GRID2: variants seen among roughly 807,000 people sequenced by gnomAD.
The protein encoded by GRID2 is glutamate ionotropic receptor delta type subunit 2, also known as glutamate receptor ionotropic, delta-2.
A neutral mutation model predicts 114.8 loss-of-function variants in GRID2; 33 were observed. The ratio of observed to expected loss-of-function variants is 0.29; its 90% CI spans 0.22 to 0.38. The LOEUF (loss-of-function observed/expected upper bound fraction) is 0.38. GRID2 is among the 10% of genes least tolerant of loss of function. GRID2 has a pLI of 1.00. For synonymous variants in GRID2, 505 were observed against 449.9 expected, an observed-to-expected ratio of 1.12 and a Z score of -1.55; for missense variants, 1,184 against 1,257.7, an observed-to-expected ratio of 0.94 and a Z score of 0.89.
At chr4:93,784,085 A>AC (rs1734541307) in intron 1 of GRID2, among the ~76,000 whole-genome samples, 1 of 149,764 alleles carries the variant, frequency 6.7e-6, no homozygotes, top group Non-Finnish European at 1.5e-5. Context: ...AAAAAAAAAA[A>AC]AAAAAAAAAA....
At chr4:92,357,442 T>A (rs556818876) in intron 1 of GRID2, among the ~76,000 whole-genome samples, 1 of 152,014 alleles carries the variant, frequency 6.6e-6, no homozygotes, top group Non-Finnish European at 1.5e-5. Context: ...CTCTCTTAGC[T>A]TTCCCAGGTA....
intron 2 of GRID2, among the ~76,000 whole-genome samples, chr4:92,793,718 C>T (rs2149366586): frequency 6.6e-6 from 1 of 151,912 alleles, no homozygotes; most frequent in South Asian, 2.1e-4. Flanking sequence ...TGAAAGTTGG[C>T]TCTCTACTTT....
At chr4:93,414,093 C>T (rs769599479) in intron 9 of GRID2, among the ~76,000 whole-genome samples, 1 of 152,142 alleles carries the variant, frequency 6.6e-6, no homozygotes, top group Non-Finnish European at 1.5e-5. Context: ...CATCACTTCT[C>T]ACTAAGTTCT....
In GRID2 at chr4:92,875,777, A is replaced by G. The variant is rs531429080; in HGVS notation, c.245-209218A>G. Among the ~76,000 whole-genome samples the G allele has an allele frequency of 7.2e-5, 11 of 152,328 alleles. No individual in the cohort carries two copies. The South Asian group carries it at 2.3e-3, about 32-fold the overall frequency. On this transcript the variant is annotated intron_variant, in intron 2 of 15. Transcript: ENST00000282020. ...TAAATCATGCAGTTTTAGGATAGTTAATTAAATTTGAAAGCAAATACCATA... is the reference window on the plus strand; with the variant it reads ...TAAATCATGCAGTTTTAGGATAGTTGATTAAATTTGAAAGCAAATACCATA...
At chr4:92,912,566 AC>A (rs1748472270) in intron 2 of GRID2, among the ~76,000 whole-genome samples, 2 of 151,890 alleles carry the variant, frequency 1.3e-5, no homozygotes, top group Non-Finnish European at 2.9e-5. Context: ...TATAGTCATT[AC>A]CAGGTACAAA....
chr4:93,145,492 A>G, intron 4 of GRID2, among the ~76,000 whole-genome samples: 1 of 131,910 alleles, frequency 7.6e-6, no homozygotes, highest in African/African-American at 2.9e-5. Context: ...AGACAGTTTC[A>G]CTCTTGTCAC....
intron 4 of GRID2, among the ~76,000 whole-genome samples, chr4:93,127,747 T>A (rs1394151108): frequency 1.3e-5 from 2 of 151,952 alleles, no homozygotes; most frequent in African/African-American, 4.8e-5. Flanking sequence ...CCTGTAATTC[T>A]AGTTCTTGGG....
chr4:92,373,574 A>T (rs1729217327), intron 1 of GRID2, among the ~76,000 whole-genome samples: 1 of 152,208 alleles, frequency 6.6e-6, no homozygotes, highest in South Asian at 2.1e-4. Context: ...GCCGGATATG[A>T]ATATTTTCTA....
intron 1 of GRID2, among the ~76,000 whole-genome samples, chr4:92,363,967 C>T (rs1248620834): frequency 6.6e-6 from 1 of 151,410 alleles, no homozygotes; most frequent in Non-Finnish European, 1.5e-5. Context: ...TTACAGGCAC[C>T]CGCCACTATG....
intron 1 of GRID2, among the ~76,000 whole-genome samples, chr4:92,535,365 C>A (rs979412901): frequency 3.9e-5 from 6 of 152,110 alleles, no homozygotes; most frequent in Non-Finnish European, 8.8e-5. Flanking sequence ...TCTCTTTCCC[C>A]CAAGTGCTAT....
chr4:93,265,486 A>T (rs6532396), intron 8 of GRID2, among the ~76,000 whole-genome samples: 83,251 of 151,964 alleles, frequency 0.55, 23,987 homozygotes, highest in Middle Eastern at 0.75. Context: ...GGAAACCGCC[A>T]CTTCAAAGGA....
In GRID2 at chr4:92,622,773, A is replaced by T. The variant is rs1004455335; in HGVS notation, c.244+32487A>T. 2.6e-5 allele frequency among the ~76,000 whole-genome samples: 4 copies of T among 151,894 alleles called. No individual in the cohort carries two copies. In the East Asian group the frequency reaches 7.8e-4, roughly 30 times the overall value. On this transcript the variant is annotated intron_variant, in intron 2 of 15. Coordinates refer to ENST00000282020, the MANE Select transcript of GRID2 (RefSeq NM_001510.4). ...AGCTTCATTCCTGCCTCTGACTCTT[A>T]GGAAATTTATCTAAGTACATATTCC...
chr4:93,756,124 A>T (rs1210141054), intron 14 of GRID2, among the ~76,000 whole-genome samples: 2 of 152,220 alleles, frequency 1.3e-5, no homozygotes, highest in African/African-American at 4.8e-5. Flanking sequence ...TATGTATCCT[A>T]GTTTTTAAAA....
At chr4:92,726,739 C>T (rs906103551) in intron 2 of GRID2, among the ~76,000 whole-genome samples, 8 of 152,014 alleles carry the variant, frequency 5.3e-5, no homozygotes, top group East Asian at 1.9e-4. Flanking sequence ...TAATCCATAT[C>T]GATTAAGCTG....
At chr4:92,766,531 CT>C (rs1738276435) in intron 2 of GRID2, among the ~76,000 whole-genome samples, 1 of 111,202 alleles carries the variant, frequency 9.0e-6, no homozygotes, top group Admixed American at 9.8e-5. Flanking sequence ...AGCAAGACTC[CT>C]TCTCAAAAAA....
chr4:93,734,724 A>G lies in GRID2; in HGVS notation c.2361-34486A>G, dbSNP rs560828177. ...TGAGGTTGGTAGGAAAACAACAGCA[A>G]CAAATAAAAATGCCAGGATGGTCTA... is the stretch of plus-strand genomic sequence containing the variant. On this transcript the variant is annotated intron_variant, in intron 14 of 15. Coordinates refer to ENST00000282020, the MANE Select transcript of GRID2 (RefSeq NM_001510.4). 5.3e-5 allele frequency among the ~76,000 whole-genome samples: 8 copies of G among 152,102 alleles called. No homozygotes were observed. In the South Asian group the frequency reaches 6.2e-4, roughly 12 times the overall value.
intron 11 of GRID2, among the ~76,000 whole-genome samples, chr4:93,458,723 T>C (rs1055100492): frequency 6.6e-6 from 1 of 152,106 alleles, no homozygotes; most frequent in South Asian, 2.1e-4. Flanking sequence ...AATAAAACAA[T>C]GAATTAGACT....
chr4:93,180,280 G>A (rs886932327), intron 4 of GRID2, among the ~76,000 whole-genome samples: 5 of 152,038 alleles, frequency 3.3e-5, no homozygotes, highest in African/African-American at 1.2e-4. Context: ...CTATACTGTA[G>A]CATAGTAAGT....
intron 1 of GRID2, among the ~76,000 whole-genome samples, chr4:92,481,608 C>A (rs1010402034): frequency 6.6e-6 from 1 of 151,942 alleles, no homozygotes; most frequent in Non-Finnish European, 1.5e-5. Flanking sequence ...ATCAGTATAG[C>A]CTTGTAGTAT....
Sources: gnomAD v4.1 joint callset for allele counts (sites outside exome capture counted in the v4.1 genomes callset) on GRCh38, gnomAD v4.1.1 for gene constraint, MANE v1.5 for transcripts, NCBI Gene and HGNC (gene_info 2026-07-23, HGNC 2026-07-21) for gene names.